Variants in PCDHA13 observed in about 807,000 individuals in gnomAD.
The protein encoded by PCDHA13 is protocadherin alpha-13.
Under a neutral mutation model 64.8 loss-of-function variants are expected in PCDHA13, and 54 were observed. That is an observed-to-expected ratio of 0.83 (90% CI 0.67 to 1.04). The LOEUF is 1.04. Among genes scored for constraint, PCDHA13 ranks in the 50% least tolerant of loss-of-function variants. The pLI is 0.00. For synonymous variants in PCDHA13, 587 were observed against 564.4 expected (o/e 1.04, Z -0.57); for missense variants, 1,248 against 1,254.3 (o/e 0.99, Z 0.08).
chr5:140,961,856 C>T (rs781908407), intron 1 of PCDHA13, among the ~76,000 whole-genome samples: 1 of 151,570 alleles, frequency 6.6e-6, no homozygotes, highest in Non-Finnish European at 1.5e-5. Flanking sequence ...GATCATTTAT[C>T]TGGCCACAGA....
intron 3 of PCDHA13, among the ~76,000 whole-genome samples, chr5:140,996,055 C>A (rs1289526573): frequency 6.6e-6 from 1 of 152,164 alleles, no homozygotes; most frequent in Non-Finnish European, 1.5e-5. Flanking sequence ...GTGCTTGGCA[C>A]ACAGTAAAGA....
chr5:140,929,179 G>T (rs782673786), intron 1 of PCDHA13: 5 of 1,614,104 alleles, frequency 3.1e-6, no homozygotes, highest in Non-Finnish European at 4.2e-6. Context: ...TCTGGGACTT[G>T]GTTCTGATAA....
chr5:140,890,056 C>T (rs2062472126), intron 1 of PCDHA13, among the ~76,000 whole-genome samples: 1 of 152,124 alleles, frequency 6.6e-6, no homozygotes, highest in African/African-American at 2.4e-5. Flanking sequence ...GGAGCTGGCT[C>T]TTTTACTGGC....
chr5:140,886,659 C>T (rs782545078), intron 1 of PCDHA13, among the ~76,000 whole-genome samples: 4 of 151,858 alleles, frequency 2.6e-5, no homozygotes, highest in African/African-American at 4.8e-5. Context: ...AACCCTGTCT[C>T]TACTAAAAAT....
intron 1 of PCDHA13, among the ~76,000 whole-genome samples, chr5:140,947,982 T>C (rs1178353293): frequency 1.3e-5 from 2 of 148,572 alleles, no homozygotes; most frequent in Admixed American, 1.3e-4. Flanking sequence ...CTCATAGGTT[T>C]TTCCCAAATA....
chr5:140,891,468 T>C (rs1459925727), intron 1 of PCDHA13, among the ~76,000 whole-genome samples: 1 of 151,582 alleles, frequency 6.6e-6, no homozygotes, highest in Non-Finnish European at 1.5e-5. Context: ...TGTGAATTAA[T>C]GCCTTTACAT....
intron 1 of PCDHA13, among the ~76,000 whole-genome samples, chr5:140,888,192 A>T (rs906159358): frequency 6.6e-6 from 1 of 152,120 alleles, no homozygotes; most frequent in Non-Finnish European, 1.5e-5. Context: ...TGAATTTTAC[A>T]TTGTCGGATG....
At chr5:140,989,321 C>A (rs898791820) in intron 3 of PCDHA13, among the ~76,000 whole-genome samples, 6 of 152,178 alleles carry the variant, frequency 3.9e-5, no homozygotes, top group Non-Finnish European at 7.3e-5. Flanking sequence ...GTCTCACCAA[C>A]TTTGCCACCT....
chr5:140,903,415 A>T (rs1303652958), intron 1 of PCDHA13, among the ~76,000 whole-genome samples: 1 of 152,238 alleles, frequency 6.6e-6, no homozygotes, highest in East Asian at 1.9e-4. Flanking sequence ...GTCAGGAAAA[A>T]TTCAGCACAA....
At position 141,010,718 on chromosome 5, in the gene PCDHA13, T is replaced by C. The variant is rs2154002137; in HGVS notation, c.*781T>C. Reference sequence around the variant, plus strand: ...TTTCCTATACATGTCCTGTGCTCACTTTATTAAAAATTCTTTTGCACACAA... The same window carrying C: ...TTTCCTATACATGTCCTGTGCTCACCTTATTAAAAATTCTTTTGCACACAA... On this transcript the variant is annotated 3_prime_UTR_variant, in exon 4 of 4. Coordinates refer to ENST00000289272, the MANE Select transcript of PCDHA13 (RefSeq NM_018904.3). The C allele has an allele frequency of 6.5e-6, 1 of 154,542 alleles. No homozygotes were observed. The highest frequency in any genetic ancestry group is 1.9e-4 in the East Asian group (1 of 5,208). 9.6% of individuals were successfully genotyped at this position (154,542 alleles called of 1,614,324 possible). A position where few individuals can be genotyped will look rare whatever the true frequency, so the allele number is the denominator to read the frequency against.
intron 3 of PCDHA13, among the ~76,000 whole-genome samples, chr5:140,985,173 G>A (rs939430246): frequency 1.3e-5 from 2 of 152,154 alleles, no homozygotes; most frequent in Admixed American, 6.5e-5. Flanking sequence ...TCCTGACCTC[G>A]TAATCCGCCT....
chr5:140,924,116 G>C (rs2081683465), intron 1 of PCDHA13, among the ~76,000 whole-genome samples: 1 of 152,178 alleles, frequency 6.6e-6, no homozygotes, highest in African/African-American at 2.4e-5. Flanking sequence ...AAAGCAGTTA[G>C]CTTGCTTAGC....
intron 3 of PCDHA13, among the ~76,000 whole-genome samples, chr5:141,003,237 T>G (rs1357530548): frequency 6.6e-6 from 1 of 152,228 alleles, no homozygotes; most frequent in Non-Finnish European, 1.5e-5. Flanking sequence ...CTGGAAATTT[T>G]GCCAAAAAGA....
intron 1 of PCDHA13, among the ~76,000 whole-genome samples, chr5:140,902,886 A>G (rs192404879): frequency 3.9e-5 from 6 of 152,276 alleles, no homozygotes; most frequent in Non-Finnish European, 7.4e-5. Flanking sequence ...TGCAAAAGCT[A>G]TTATTTTATT....
chr5:140,937,378 G>T (rs1248709474), intron 1 of PCDHA13, among the ~76,000 whole-genome samples: 1 of 152,130 alleles, frequency 6.6e-6, no homozygotes, highest in African/African-American at 2.4e-5. Context: ...GTTTATGTGT[G>T]TGTATGTGTA....
At chr5:140,899,781 T>C (rs1187719719) in intron 1 of PCDHA13, among the ~76,000 whole-genome samples, 1 of 152,218 alleles carries the variant, frequency 6.6e-6, no homozygotes, top group Non-Finnish European at 1.5e-5. Context: ...TTACCTCTGG[T>C]ATAATTCGGC....
chr5:140,892,763 C>G (rs1365366300), intron 1 of PCDHA13, among the ~76,000 whole-genome samples: 12 of 152,298 alleles, frequency 7.9e-5, no homozygotes, highest in Middle Eastern at 3.4e-3. Context: ...TTAAAATCCA[C>G]TCTTCTAGCT....
chr5:141,004,708 A>G (rs955852492), intron 3 of PCDHA13, among the ~76,000 whole-genome samples: 2 of 152,340 alleles, frequency 1.3e-5, no homozygotes, highest in South Asian at 4.1e-4. Flanking sequence ...TAGGTGCCGA[A>G]TCAGAGGTTT....
chr5:140,947,321 A>C (rs1365578593), intron 1 of PCDHA13, among the ~76,000 whole-genome samples: 5 of 151,748 alleles, frequency 3.3e-5, no homozygotes, highest in East Asian at 3.9e-4. Flanking sequence ...AAGTCGGTTG[A>C]CCATAAATGT....
Sources: allele counts gnomAD v4.1 joint callset (sites outside exome capture counted in the v4.1 genomes callset), GRCh38; gene constraint gnomAD v4.1.1; transcripts MANE v1.5; gene names NCBI Gene and HGNC (gene_info 2026-07-23, HGNC 2026-07-21).